RBFOX1: variants seen among roughly 807,000 people sequenced by gnomAD.
The protein encoded by RBFOX1 is RNA binding protein fox-1 homolog 1.
Under a neutral mutation model 57.7 loss-of-function variants are expected in RBFOX1, and 8 were observed. The ratio of observed to expected loss-of-function variants is 0.14; its 90% CI spans 0.08 to 0.25. RBFOX1 has a LOEUF of 0.25. RBFOX1 is among the 10% of genes least tolerant of loss of function. RBFOX1 has a pLI of 1.00. For missense variants in RBFOX1, 611 were observed against 548.5 expected (o/e 1.11, Z -1.14); for synonymous variants, 326 against 222.4 (o/e 1.47, Z -4.15).
At chr16:6,574,907 G>A (rs111703740) in intron 2 of RBFOX1, among the ~76,000 whole-genome samples, 15,503 of 151,240 alleles carry the variant, frequency 0.1, 1,004 homozygotes, top group South Asian at 0.21. Context: ...GCGTGGTGGC[G>A]GGCGCCTGTA....
chr16:7,628,653 C>T (rs367677187), intron 10 of RBFOX1, among the ~76,000 whole-genome samples: 21 of 152,198 alleles, frequency 1.4e-4, no homozygotes, highest in African/African-American at 5.1e-4. Context: ...GCTCTTGTCA[C>T]CCAGGCTGGA....
At chr16:5,500,469 G>A (rs1597317535) in intron 2 of RBFOX1, among the ~76,000 whole-genome samples, 2 of 151,958 alleles carry the variant, frequency 1.3e-5, no homozygotes, top group East Asian at 1.9e-4. Context: ...CAATCGTCCC[G>A]CCTCCACCTC....
intron 2 of RBFOX1, among the ~76,000 whole-genome samples, chr16:6,418,642 G>T (rs190384738): frequency 1.8e-3 from 270 of 149,330 alleles, no homozygotes; most frequent in African/African-American, 6.2e-3. Context: ...TCCTACATCA[G>T]CCTTCTAAGT....
At chr16:7,211,737 C>T (rs923050613) in intron 4 of RBFOX1, among the ~76,000 whole-genome samples, 9 of 152,108 alleles carry the variant, frequency 5.9e-5, no homozygotes, top group Admixed American at 1.3e-4. Context: ...GCCAGGTGGG[C>T]ATTCGCCTGA....
At chr16:6,902,538 A>G (rs985798375) in intron 3 of RBFOX1, among the ~76,000 whole-genome samples, 26 of 152,170 alleles carry the variant, frequency 1.7e-4, no homozygotes, top group Admixed American at 1.2e-3. Context: ...CCTAACCAAC[A>G]TGGTAATGCC....
chr16:7,494,669 G>C (rs1456332951), intron 4 of RBFOX1, among the ~76,000 whole-genome samples: 1 of 152,046 alleles, frequency 6.6e-6, no homozygotes, highest in South Asian at 2.1e-4. Flanking sequence ...CACTCAAAAA[G>C]GTCATGATAC....
rs558048602 is a variant in RBFOX1, at chr16:6,124,324, G to A, written c.-127+104332G>A. 1.3e-3 allele frequency among the ~76,000 whole-genome samples: 191 copies of A among 152,252 alleles called. 1 individual carries two copies. The highest frequency in any genetic ancestry group is 8.6e-3 in the Admixed American group (132 of 15,276). ...AGAAGCTTGCAGTTATAGCCCCAGC[G>A]TGAAAGTTTTCACTCTGTCTCAGAG... On this transcript the variant is annotated intron_variant, in intron 1 of 15. Transcript: ENST00000550418.
chr16:6,745,378 C>G (rs1040469090), intron 3 of RBFOX1, among the ~76,000 whole-genome samples: 1 of 152,104 alleles, frequency 6.6e-6, no homozygotes, highest in African/African-American at 2.4e-5. Flanking sequence ...TAGTCTTCCT[C>G]ATGAATACCT....
intron 2 of RBFOX1, among the ~76,000 whole-genome samples, chr16:6,320,134 G>A (rs1323737532): frequency 6.6e-6 from 1 of 152,098 alleles, no homozygotes; most frequent in Non-Finnish European, 1.5e-5. Context: ...GAAGAAGGTG[G>A]AGACAGAAAG....
intron 2 of RBFOX1, among the ~76,000 whole-genome samples, chr16:6,431,549 A>C (rs2094085334): frequency 6.6e-6 from 1 of 151,982 alleles, no homozygotes; most frequent in African/African-American, 2.4e-5. Context: ...CAGATAAAAC[A>C]GGGGCTCCGA....
At chr16:7,093,539 C>T (rs1000250170) in intron 4 of RBFOX1, among the ~76,000 whole-genome samples, 5 of 152,124 alleles carry the variant, frequency 3.3e-5, no homozygotes, top group Admixed American at 3.3e-4. Flanking sequence ...AGATACTCTT[C>T]AGGCAGAGGA....
chr16:6,548,464 G>C (rs182579826), intron 2 of RBFOX1, among the ~76,000 whole-genome samples: 1 of 152,214 alleles, frequency 6.6e-6, no homozygotes, highest in Admixed American at 6.5e-5. Flanking sequence ...GAATGTACAA[G>C]GTTACAAGGA....
intron 1 of RBFOX1, among the ~76,000 whole-genome samples, chr16:5,415,089 T>C (rs893808243): frequency 2.0e-5 from 3 of 152,214 alleles, no homozygotes; most frequent in Non-Finnish European, 4.4e-5. Context: ...ACATTTGAGA[T>C]AATGTCTAAT....
chr16:5,563,560 C>T (rs12149635), intron 2 of RBFOX1, among the ~76,000 whole-genome samples: 54,377 of 152,070 alleles, frequency 0.36, 10,722 homozygotes, highest in East Asian at 0.52. Flanking sequence ...GCACCTTGGT[C>T]ATCAAATTTG....
At chr16:5,327,866 G>T (rs1477772971) in intron 1 of RBFOX1, among the ~76,000 whole-genome samples, 2 of 152,172 alleles carry the variant, frequency 1.3e-5, no homozygotes, top group African/African-American at 4.8e-5. Flanking sequence ...TAAGCTGAAT[G>T]GTTCTGTGGT....
intron 7 of RBFOX1, among the ~76,000 whole-genome samples, chr16:7,591,957 G>A (rs1567990335): frequency 6.6e-6 from 1 of 152,104 alleles, no homozygotes; most frequent in Non-Finnish European, 1.5e-5. Flanking sequence ...CCTGCTCATA[G>A]AGAGGACCAG....
chr16:6,623,507 A>G (rs1365727931), intron 2 of RBFOX1, among the ~76,000 whole-genome samples: 4 of 151,460 alleles, frequency 2.6e-5, no homozygotes. Context: ...GGTTAGTTAC[A>G]TATGCATACG....
chr16:5,396,420 C>A (rs2066557615), intron 1 of RBFOX1, among the ~76,000 whole-genome samples: 1 of 152,066 alleles, frequency 6.6e-6, no homozygotes, highest in Non-Finnish European at 1.5e-5. Context: ...GCAGGTGAAC[C>A]ACTTGAGGCC....
chr16:5,674,569 G>C (rs867429894), intron 3 of RBFOX1, among the ~76,000 whole-genome samples: 2 of 152,210 alleles, frequency 1.3e-5, no homozygotes, highest in Admixed American at 6.5e-5. Flanking sequence ...GCAGAGCCCA[G>C]GTTCTGTTTG....
Sources: gnomAD v4.1 joint callset for allele counts (sites outside exome capture counted in the v4.1 genomes callset) on GRCh38, gnomAD v4.1.1 for gene constraint, MANE v1.5 for transcripts, NCBI Gene and HGNC (gene_info 2026-07-23, HGNC 2026-07-21) for gene names.